The following BAIAP2 variants were observed in gnomAD, a reference collection of about 807,000 sequenced individuals.
BAIAP2 encodes BAR/IMD domain-containing adapter protein 2.
Under a neutral mutation model 63.0 loss-of-function variants are expected in BAIAP2, and 18 were observed. The ratio of observed to expected loss-of-function variants is 0.29; its 90% CI spans 0.20 to 0.42. BAIAP2 has a LOEUF of 0.42. Ranked by LOEUF, BAIAP2 falls within the 10% of genes least tolerant of loss-of-function variation. The pLI, the probability that BAIAP2 is intolerant of heterozygous loss-of-function variation, is 1.00. For synonymous variants in BAIAP2, 386 were observed against 307.6 expected, an observed-to-expected ratio of 1.25 and a Z score of -2.67; for missense variants, 610 against 734.3, an observed-to-expected ratio of 0.83 and a Z score of 1.96.
chr17:81,050,214 T>TCCCCCCTTAC (rs1308319807), intron 1 of BAIAP2, among the ~76,000 whole-genome samples: 1 of 151,196 alleles, frequency 6.6e-6, no homozygotes, highest in Non-Finnish European at 1.5e-5. Context: ...GGAAGGGGAG[T>TCCCCCCTTAC]CCCCCCTTAC....
At chr17:81,086,184 C>A (rs751696437) in intron 5 of BAIAP2, among the ~76,000 whole-genome samples, 2 of 151,918 alleles carry the variant, frequency 1.3e-5, no homozygotes, top group Non-Finnish European at 2.9e-5. Flanking sequence ...GCCACTTTTT[C>A]CAAGTGTGAT....
At chr17:81,110,928 T>C (rs1337188097) in intron 13 of BAIAP2, 3 of 1,613,812 alleles carry the variant, frequency 1.9e-6, no homozygotes, top group Non-Finnish European at 2.5e-6. Context: ...GATGTGGAAG[T>C]GGCCAGATTC....
chr17:81,059,594 G>A lies in BAIAP2; in HGVS notation c.217+1627G>A, dbSNP rs1233969170. Among the ~76,000 whole-genome samples, 5 of 152,180 alleles carry A rather than the reference G, an allele frequency of 3.3e-5. 1 individual carries two copies. The highest frequency in any genetic ancestry group is 4.1e-4 in the South Asian group (2 of 4,826). ...CTAGTAGCTGGGACCACAGGCGTGC[G>A]CCACCACGCCCAGCTGATTTTTTAT... On this transcript the variant is annotated intron_variant, in intron 3 of 13. Transcript: ENST00000428708.
intron 6 of BAIAP2, among the ~76,000 whole-genome samples, chr17:81,094,981 C>G (rs1025178599): frequency 6.6e-6 from 1 of 152,230 alleles, no homozygotes; most frequent in Non-Finnish European, 1.5e-5. Flanking sequence ...TCTGGAATGC[C>G]CCTCCCCCAC....
At chr17:81,050,024 G>A (rs2048412903) in intron 1 of BAIAP2, among the ~76,000 whole-genome samples, 1 of 152,226 alleles carries the variant, frequency 6.6e-6, no homozygotes, top group African/African-American at 2.4e-5. Flanking sequence ...CAGCAGAGGG[G>A]CTGGGCTCTT....
In BAIAP2 at chr17:81,086,547, G is replaced by A; in HGVS notation, c.456G>A (p.Lys152=). The A allele has an allele frequency of 1.2e-6, 2 of 1,613,778 alleles. No homozygotes were observed. Among genetic ancestry groups the A allele is most frequent in the Non-Finnish European group, 1.7e-6 (2 of 1,180,020 alleles). ...TTCGGAAGAAGAGCCAGGGCAGCAA[G>A]AATCCTCAGAAGTACTCGGACAAGG... ...KKLRKKSQGS[K]NPQKYSDKEL... The change falls in exon 6 of 14, where the codon AAG becomes AAA. Residue 152 remains lysine, a synonymous_variant. Coordinates refer to ENST00000428708, the MANE Select transcript of BAIAP2 (RefSeq NM_001144888.2).
intron 3 of BAIAP2, among the ~76,000 whole-genome samples, chr17:81,058,359 C>T (rs1410471975): frequency 6.6e-6 from 1 of 152,138 alleles, no homozygotes; most frequent in Non-Finnish European, 1.5e-5. Flanking sequence ...AGGAAGACAC[C>T]CCAGCAGCGT....
Position 81,106,918 on chromosome 17 carries a change from G to A in BAIAP2, c.1500+11G>A, listed in dbSNP as rs1309013105. 20 of 1,501,186 alleles carry A rather than the reference G, an allele frequency of 1.3e-5. No individual in the cohort carries two copies. In the East Asian group the frequency reaches 1.5e-4, roughly 11 times the overall value. The allele number at this position is 1,501,186 out of a possible 1,614,324, so 93.0% of individuals were successfully genotyped here. ...CCCGCCTTCTCCCAGGTCAGTGGGCGGGGCCGGGGCTGGGAGGGGCCCGCA... is the reference window on the plus strand; with the variant it reads ...CCCGCCTTCTCCCAGGTCAGTGGGCAGGGCCGGGGCTGGGAGGGGCCCGCA... On this transcript the variant is annotated intron_variant, in intron 12 of 13. Transcript: ENST00000428708.
At chr17:81,101,985 T>A (rs2058553450) in intron 7 of BAIAP2, among the ~76,000 whole-genome samples, 1 of 152,128 alleles carries the variant, frequency 6.6e-6, no homozygotes, top group African/African-American at 2.4e-5. Context: ...AGAGCGGGGC[T>A]GTCAGTGGCT....
At chr17:81,097,148 C>T (rs2057764503) in intron 6 of BAIAP2, among the ~76,000 whole-genome samples, 1 of 152,220 alleles carries the variant, frequency 6.6e-6, no homozygotes, top group Non-Finnish European at 1.5e-5. Context: ...ACCCTGTGGC[C>T]AGGCCCTACA....
At chr17:81,077,726 AGGTGCGAGCCAGACACCGTG>A (rs2053897457) in intron 3 of BAIAP2, among the ~76,000 whole-genome samples, 1 of 151,354 alleles carries the variant, frequency 6.6e-6, no homozygotes, top group Non-Finnish European at 1.5e-5. Flanking sequence ...GTGCCGTCTC[AGGTGCGAGCCAGACACCGTG>A]GGTGCGGGTG....
At chr17:81,043,359 G>A (rs2047350224) in intron 1 of BAIAP2, among the ~76,000 whole-genome samples, 1 of 152,262 alleles carries the variant, frequency 6.6e-6, no homozygotes, top group Non-Finnish European at 1.5e-5. Flanking sequence ...GTCCAGGCAT[G>A]GATGGAGCAT....
At position 81,103,992 on chromosome 17, in the gene BAIAP2, A is replaced by G. The variant is rs772717162; in HGVS notation, c.950A>G (p.Lys317Arg). Residue 317 changes from lysine to arginine, a missense_variant, in exon 9 of 14, where the codon AAG becomes AGG. Coordinates refer to ENST00000428708, the MANE Select transcript of BAIAP2 (RefSeq NM_001144888.2). Reference sequence around the variant, plus strand: ...GACTACAGCCCGTGGGCTGACCGCAAGGCTGCCCAGCCCAAATCCCTGTCT... The same window carrying G: ...GACTACAGCCCGTGGGCTGACCGCAGGGCTGCCCAGCCCAAATCCCTGTCT... Reference protein sequence around the residue: ...GEDYSPWADRKAAQPKSLSPP... With the variant: ...GEDYSPWADRRAAQPKSLSPP... The G allele has an allele frequency of 3.1e-6, 5 of 1,613,012 alleles. No individual in the cohort carries two copies. The East Asian group carries it at 1.1e-4, about 36-fold the overall frequency.
Position 81,104,024 on chromosome 17 carries a change from C to A in BAIAP2, c.982C>A (p.Gln328Lys). 6.2e-7 allele frequency: 1 copy of A among 1,613,276 alleles called. No individual in the cohort carries two copies. The highest frequency in any genetic ancestry group is 8.5e-7 in the Non-Finnish European group (1 of 1,180,016). Residue 328 changes from glutamine to lysine, a missense_variant, in exon 9 of 14, where the codon CAG becomes AAG. Physicochemically the swap from Gln to Lys is moderately conservative, Grantham distance 53 (BLOSUM62 1). This residue lies in a region of BAIAP2 where 389 missense variants were observed against 455.6 expected (regional missense o/e 0.85). Coordinates refer to ENST00000428708, the MANE Select transcript of BAIAP2 (RefSeq NM_001144888.2). ...AAQPKSLSPP[Q>K]SQSKLSDSYS... ...CCAGCCCAAATCCCTGTCTCCTCCG[C>A]AGTCTCAGAGCAAGCTCAGCGACTC...
chr17:81,098,381 G>GT (rs1215546724), intron 6 of BAIAP2, among the ~76,000 whole-genome samples: 1 of 151,892 alleles, frequency 6.6e-6, no homozygotes, highest in Non-Finnish European at 1.5e-5. Context: ...CTCAGCTACA[G>GT]TTTCTTGGTC....
chr17:81,096,006 C>T (rs2057556713), intron 6 of BAIAP2, among the ~76,000 whole-genome samples: 1 of 152,148 alleles, frequency 6.6e-6, no homozygotes, highest in Non-Finnish European at 1.5e-5. Flanking sequence ...ACCGGAGCAG[C>T]TCCAGGGGCC....
At chr17:81,097,892 C>T (rs1481631344) in intron 6 of BAIAP2, among the ~76,000 whole-genome samples, 1 of 152,210 alleles carries the variant, frequency 6.6e-6, no homozygotes, top group Non-Finnish European at 1.5e-5. Context: ...GCCTCATCAG[C>T]GTTTTGGGAT....
At chr17:81,114,600 C>T (rs550942238) in intron 13 of BAIAP2, among the ~76,000 whole-genome samples, 1 of 152,222 alleles carries the variant, frequency 6.6e-6, no homozygotes, top group Non-Finnish European at 1.5e-5. Flanking sequence ...GGGAGCCTTC[C>T]GCAGACCTGT....
At chr17:81,098,019 G>A in intron 6 of BAIAP2, 1 of 1,018,684 alleles carries the variant, frequency 9.8e-7, no homozygotes, top group Non-Finnish European at 1.3e-6. Flanking sequence ...GGTGTCAGCT[G>A]TGCCATAGGG....
Sources: allele counts gnomAD v4.1 joint callset (sites outside exome capture counted in the v4.1 genomes callset), GRCh38; gene constraint gnomAD v4.1.1; regional missense constraint gnomAD v4.1.1; transcripts MANE v1.5; gene names NCBI Gene and HGNC (gene_info 2026-07-23, HGNC 2026-07-21).